Variants in ATM observed in about 807,000 individuals in gnomAD.
ATM encodes the protein ATM serine/threonine kinase, also known as serine-protein kinase ATM.
Under a neutral mutation model 387.0 loss-of-function variants are expected in ATM, and 308 were observed. That is an observed-to-expected ratio of 0.80 (90% confidence interval 0.73 to 0.87). ATM has a LOEUF of 0.87. Ranked by LOEUF, ATM falls within the 40% of genes least tolerant of loss-of-function variation. The pLI, the probability that ATM is intolerant of heterozygous loss-of-function variation, is 0.00. For missense variants in ATM, 3,312 were observed against 3,560.9 expected, an observed-to-expected ratio of 0.93 and a Z score of 1.78; for synonymous variants, 1,156 against 1,187.3, an observed-to-expected ratio of 0.97 and a Z score of 0.54.
chr11:108,363,474 C>T (rs2137794026), intron 61 of ATM, among the ~76,000 whole-genome samples: 1 of 152,304 alleles, frequency 6.6e-6, no homozygotes, highest in South Asian at 2.1e-4. Context: ...TGATGCTTAG[C>T]CAAGAGCAGT....
intron 43 of ATM, among the ~76,000 whole-genome samples, chr11:108,318,661 C>T (rs1443182586): frequency 6.6e-6 from 1 of 151,998 alleles, no homozygotes; most frequent in African/African-American, 2.4e-5. Flanking sequence ...TGCACCCCAG[C>T]CTGGGCGACA....
intron 61 of ATM, among the ~76,000 whole-genome samples, chr11:108,356,642 G>C (rs2089961070): frequency 6.6e-6 from 1 of 151,988 alleles, no homozygotes; most frequent in African/African-American, 2.4e-5. Context: ...AGTCAGAAGG[G>C]ATTTTTATGC....
chr11:108,319,540 G>A (rs1035687230), intron 43 of ATM, among the ~76,000 whole-genome samples: 17 of 152,086 alleles, frequency 1.1e-4, no homozygotes, highest in Admixed American at 2.0e-4. Context: ...ATTTTGTTTT[G>A]TTACCCTGTT....
At chr11:108,317,099 ATT>A (rs200142001) in intron 42 of ATM, among the ~76,000 whole-genome samples, 5 of 68,910 alleles carry the variant, frequency 7.3e-5, no homozygotes, top group Admixed American at 1.7e-4. Context: ...ATACCCAGCT[ATT>A]TTAAAAAAAA....
intron 10 of ATM, 146 bp from the exon 11 acceptor site, chr11:108,251,691 C>A: frequency 1.3e-6 from 1 of 783,662 alleles, no homozygotes; most frequent in Non-Finnish European, 2.2e-6. Context: ...AATCAAGAAT[C>A]TTCCCAAATG....
intron 4 of ATM, among the ~76,000 whole-genome samples, chr11:108,231,142 T>C (rs929893526): frequency 6.6e-6 from 1 of 152,240 alleles, no homozygotes; most frequent in Admixed American, 6.5e-5. Flanking sequence ...ACTGACATTT[T>C]ACTTGCTATG....
At position 108,235,674 on chromosome 11, in the gene ATM, A is replaced by T. The variant is rs777759909; in HGVS notation, c.336A>T (p.Ala112=). The change falls in exon 5 of 63, where the codon GCA becomes GCT. Residue 112 remains alanine (A), a synonymous_variant. Transcript: ENST00000675843. ...KYFIKCANRR[A]PRLKCQELLN... is the part of the protein sequence containing the mutation. ...TATTTGTTTATTTTGAAATAGGAGC[A>T]CCTAGGCTAAAATGTCAAGAACTCT... The T allele has an allele frequency of 6.2e-7, 1 of 1,606,720 alleles. No individual in the cohort carries two copies. Among genetic ancestry groups the T allele is most frequent in the Non-Finnish European group, 8.5e-7 (1 of 1,174,082 alleles).
intron 50 of ATM, chr11:108,331,224 T>C (rs2086200866): frequency 1.6e-6 from 2 of 1,248,428 alleles, no homozygotes; most frequent in Middle Eastern, 6.5e-4. Context: ...CAGTTTAATT[T>C]AGGACCAAAT....
intron 40 of ATM, among the ~76,000 whole-genome samples, chr11:108,314,364 C>T (rs543122095): frequency 1.3e-4 from 20 of 152,214 alleles, no homozygotes; most frequent in Middle Eastern, 3.4e-3. Flanking sequence ...CCTTGGCTAC[C>T]CAAAGTACTG....
At chr11:108,242,129 A>G (rs1356298831) in intron 5 of ATM, among the ~76,000 whole-genome samples, 1 of 148,920 alleles carries the variant, frequency 6.7e-6, no homozygotes, top group Non-Finnish European at 1.5e-5. Flanking sequence ...TTAAAAAAAC[A>G]AAAAACAAAA....
Position 108,331,940 on chromosome 11 carries a change from C to A in ATM, c.7691C>A (p.Ala2564Glu), listed in dbSNP as rs775295535. 1 of 1,613,880 alleles carries A rather than the reference C, an allele frequency of 6.2e-7. No homozygotes were observed. Among genetic ancestry groups the A allele is most frequent in the East Asian group, 2.2e-5 (1 of 44,840 alleles). Residue 2564 changes from alanine to glutamate, a missense_variant, in exon 52 of 63, where the codon GCA (alanine) becomes GAA (glutamate). Ala to Glu is a moderately radical substitution (Grantham distance 107). This residue lies in a region of ATM where 1,405 missense variants were observed against 1,604.4 expected (regional missense o/e 0.88). Coordinates refer to ENST00000675843, the MANE Select transcript of ATM (RefSeq NM_000051.4). Reference protein sequence around the residue: ...HHTLFIILALANANRDEFLTK... With the variant: ...HHTLFIILALENANRDEFLTK... ...ACTTTGTTTATTATACTGGCCTTAGCAAATGCAAACAGAGATGAATTTCTG... is the reference window on the plus strand; with the variant it reads ...ACTTTGTTTATTATACTGGCCTTAGAAAATGCAAACAGAGATGAATTTCTG...
intron 1 of ATM, chr11:108,226,100 G>A (rs2078723983): frequency 6.6e-6 from 1 of 152,014 alleles, no homozygotes; most frequent in Non-Finnish European, 1.5e-5. Context: ...TTATATAAAG[G>A]TTTAGATCAG....
Position 108,366,621 on chromosome 11 carries a change from C to A in ATM, c.*1113C>A. On this transcript the variant is annotated 3_prime_UTR_variant, in exon 63 of 63. Transcript: ENST00000675843. The stretch of plus-strand genomic sequence containing the variant: ...TTATGTCATATTCCCAGGGCTGTTG[C>A]TGCACACAAGCCCATTCTTATTTTA... 1 of 230,986 alleles carries A rather than the reference C, an allele frequency of 4.3e-6. No individual in the cohort carries two copies. The allele number at this position is 230,986 out of a possible 1,614,324, so 14.3% of individuals were successfully genotyped here. A position where few individuals can be genotyped will look rare whatever the true frequency, so the allele number is the denominator to read the frequency against.
chr11:108,308,891 CAGA>C, intron 38 of ATM: 1 of 808,294 alleles, frequency 1.2e-6, no homozygotes, highest in Admixed American at 2.3e-5. Flanking sequence ...GGAGGCCTAT[CAGA>C]AGCTTTAATG....
Position 108,365,592 on chromosome 11 carries a change from G to A in ATM, c.*84G>A. On this transcript the variant is annotated 3_prime_UTR_variant, in exon 63 of 63. Coordinates refer to ENST00000675843, the MANE Select transcript of ATM (RefSeq NM_000051.4). ...TTTTTAACCTGCCAACATACTTTAAGTAGGGATTAATATTTAAGTGAACTA... is the reference window on the plus strand; with the variant it reads ...TTTTTAACCTGCCAACATACTTTAAATAGGGATTAATATTTAAGTGAACTA... 2.0e-6 allele frequency: 3 copies of A among 1,469,090 alleles called. No individual in the cohort carries two copies. The highest frequency in any genetic ancestry group is 2.5e-5 in the South Asian group (2 of 81,052). The allele number at this position is 1,469,090 out of a possible 1,614,324, so 91.0% of individuals were successfully genotyped here.
At chr11:108,247,888 C>T (rs1209322236) in intron 8 of ATM, among the ~76,000 whole-genome samples, 2 of 152,152 alleles carry the variant, frequency 1.3e-5, no homozygotes, top group Non-Finnish European at 2.9e-5. Flanking sequence ...GCCACCGTGC[C>T]CAGCCCAGAA....
chr11:108,251,705 T>G, intron 10 of ATM, 132 bp from the exon 11 acceptor site: 3 of 874,260 alleles, frequency 3.4e-6, no homozygotes, highest in Non-Finnish European at 5.6e-6. Flanking sequence ...CCAAATGTAA[T>G]CAGACTTTTA....
At chr11:108,304,602 A>C (rs2083584464) in intron 36 of ATM, 73 bp from the exon 37 acceptor site, 3 of 1,459,068 alleles carry the variant, frequency 2.1e-6, no homozygotes, top group African/African-American at 2.8e-5. Context: ...GGGGCATGAA[A>C]ATTTTAAGTA....
Position 108,304,851 on chromosome 11 carries a change from A to G in ATM, c.5673A>G (p.Ser1891=), listed in dbSNP as rs1555107607. The change falls in exon 37 of 63, where the codon TCA becomes TCG. Residue 1891 remains serine, a splice_region_variant and synonymous_variant. Transcript: ENST00000675843. ...CCACAACCCCTGCAAACTTGGATTC[A>G]GGTATTCTATTAAATTTTTAACATT... ...SRSTTPANLD[S]ESEHFFRCCL... The G allele has an allele frequency of 6.2e-7, 1 of 1,613,830 alleles. No individual in the cohort carries two copies. The highest frequency in any genetic ancestry group is 2.2e-5 in the East Asian group (1 of 44,850).
Sources: allele counts gnomAD v4.1 joint callset (sites outside exome capture counted in the v4.1 genomes callset), GRCh38; gene constraint gnomAD v4.1.1; regional missense constraint gnomAD v4.1.1; transcripts MANE v1.5; gene names NCBI Gene and HGNC (gene_info 2026-07-23, HGNC 2026-07-21).